Variants in KCNJ3 observed in about 807,000 individuals in gnomAD.
KCNJ3 encodes G protein-activated inward rectifier potassium channel 1.
Under a neutral mutation model 39.2 loss-of-function variants are expected in KCNJ3, and 4 were observed. That is an observed-to-expected ratio of 0.10 (90% CI 0.05 to 0.23). The LOEUF is 0.23. Among genes scored for constraint, KCNJ3 ranks in the 10% least tolerant of loss-of-function variants. The pLI is 1.00. For missense variants in KCNJ3, 276 were observed against 634.9 expected (o/e 0.43, Z 6.08); for synonymous variants, 230 against 237.4 (o/e 0.97, Z 0.29).
At chr2:154,729,773 T>A (rs1396795271) in intron 2 of KCNJ3, among the ~76,000 whole-genome samples, 1 of 152,166 alleles carries the variant, frequency 6.6e-6, no homozygotes, top group East Asian at 1.9e-4. Context: ...ATAAGAATAA[T>A]GTTTTATTAT....
chr2:154,785,907 G>A (rs1686521052), intron 2 of KCNJ3, among the ~76,000 whole-genome samples: 1 of 152,132 alleles, frequency 6.6e-6, no homozygotes, highest in South Asian at 2.1e-4. Flanking sequence ...CATACTGGGG[G>A]TCAGGGCTTC....
chr2:154,802,199 T>A lies in KCNJ3; in HGVS notation c.920-52528T>A, dbSNP rs11690116. ...TAAGGATTTGGGGAGTTTTTTTTTT[T>A]CTAAGACAACAAGTTTTCTCTTATG... On this transcript the variant is annotated intron_variant, in intron 2 of 2. Coordinates refer to ENST00000295101, the MANE Select transcript of KCNJ3 (RefSeq NM_002239.4). Among the ~76,000 whole-genome samples, 9 of 151,740 alleles carry A rather than the reference T, an allele frequency of 5.9e-5. No homozygotes were observed. In the East Asian group the frequency reaches 1.8e-3, roughly 30 times the overall value.
At position 154,857,315 on chromosome 2, in the gene KCNJ3, T is replaced by C. The variant is rs1409416168; in HGVS notation, c.*2002T>C. 1 of 152,120 alleles carries C rather than the reference T, an allele frequency of 6.6e-6. No homozygotes were observed. Among genetic ancestry groups the C allele is most frequent in the Non-Finnish European group, 1.5e-5 (1 of 68,014 alleles). The allele number at this position is 152,120 out of a possible 1,614,324, so 9.4% of individuals were successfully genotyped here. On this transcript the variant is annotated 3_prime_UTR_variant, in exon 3 of 3. Transcript: ENST00000295101. The stretch of plus-strand genomic sequence containing the variant: ...TTTAGTCCAAGAACTTAAAACTAAA[T>C]AGAGCCATAATTTACTTTGGAGAGT...
At chr2:154,801,355 T>C (rs577356705) in intron 2 of KCNJ3, among the ~76,000 whole-genome samples, 5 of 152,282 alleles carry the variant, frequency 3.3e-5, no homozygotes, top group African/African-American at 1.2e-4. Flanking sequence ...TAGTAAATTT[T>C]TTCTGTTTCC....
At chr2:154,844,968 C>A (rs1004809783) in intron 2 of KCNJ3, among the ~76,000 whole-genome samples, 5 of 152,146 alleles carry the variant, frequency 3.3e-5, no homozygotes, top group Non-Finnish European at 7.4e-5. Flanking sequence ...CACTGTCCAA[C>A]CAGTCCCAAT....
Position 154,821,635 on chromosome 2 carries a change from A to ATTTTTTTT in KCNJ3, c.920-33075_920-33068dup, listed in dbSNP as rs71422263. Reference sequence around the variant, plus strand: ...CAAAAAAAGAAAAAGAGAATATGTGATTTTTTTTTTTTTTTTTTTTTTTTG... The same window carrying ATTTTTTTT: ...CAAAAAAAGAAAAAGAGAATATGTGATTTTTTTTTTTTTTTTTTTTTTTTTTTTTTTTG... On this transcript the variant is annotated intron_variant, in intron 2 of 2. Coordinates refer to ENST00000295101, the MANE Select transcript of KCNJ3 (RefSeq NM_002239.4). Among the ~76,000 whole-genome samples the ATTTTTTTT allele has an allele frequency of 6.4e-4, 56 of 88,076 alleles. 2 individuals carry two copies. The highest frequency in any genetic ancestry group is 8.2e-4 in the East Asian group (2 of 2,450). 57.8% of individuals were successfully genotyped at this position (88,076 alleles called of 152,430 possible). A position where few individuals can be genotyped will look rare whatever the true frequency, so the allele number is the denominator to read the frequency against.
chr2:154,704,832 T>C (rs1338315717), intron 1 of KCNJ3, among the ~76,000 whole-genome samples: 1 of 149,888 alleles, frequency 6.7e-6, no homozygotes, highest in Admixed American at 6.6e-5. Context: ...CCTCATTCCA[T>C]GTAATTTTTT....
At chr2:154,762,065 T>C (rs1229431134) in intron 2 of KCNJ3, among the ~76,000 whole-genome samples, 2 of 152,264 alleles carry the variant, frequency 1.3e-5, no homozygotes, top group East Asian at 1.9e-4. Flanking sequence ...CTCCAGAGGC[T>C]GGAATAGACA....
Position 154,856,785 on chromosome 2 carries a change from C to A in KCNJ3, c.*1472C>A, listed in dbSNP as rs1407691722. ...GAATCAAAACTAGTGATCAGTAGAA[C>A]ACTTTCAAAATAAAAATTTGGAATG... On this transcript the variant is annotated 3_prime_UTR_variant, in exon 3 of 3. Coordinates refer to ENST00000295101, the MANE Select transcript of KCNJ3 (RefSeq NM_002239.4). 2 of 152,054 alleles carry A rather than the reference C, an allele frequency of 1.3e-5. No homozygotes were observed. The highest frequency in any genetic ancestry group is 2.4e-5 in the African/African-American group (1 of 41,428). The allele number at this position is 152,054 out of a possible 1,614,324, so 9.4% of individuals were successfully genotyped here.
intron 2 of KCNJ3, among the ~76,000 whole-genome samples, chr2:154,761,141 C>G (rs74571701): frequency 0.033 from 4,989 of 149,188 alleles, 205 homozygotes; most frequent in East Asian, 0.22. Context: ...GTCTGTAATC[C>G]TTTAGAATTC....
intron 2 of KCNJ3, among the ~76,000 whole-genome samples, chr2:154,840,143 C>A (rs1034110917): frequency 1.3e-5 from 2 of 152,126 alleles, no homozygotes; most frequent in African/African-American, 4.8e-5. Context: ...TCAGTTTCAG[C>A]TTTCTACATA....
At chr2:154,824,052 G>T (rs1687227552) in intron 2 of KCNJ3, among the ~76,000 whole-genome samples, 1 of 151,986 alleles carries the variant, frequency 6.6e-6, no homozygotes, top group South Asian at 2.1e-4. Context: ...CTATACTTAG[G>T]CCTGATGTAG....
chr2:154,841,349 G>A (rs1574482893), intron 2 of KCNJ3, among the ~76,000 whole-genome samples: 2 of 152,226 alleles, frequency 1.3e-5, no homozygotes, highest in East Asian at 3.9e-4. Flanking sequence ...TTTTATTGAG[G>A]ATTTTCACAT....
intron 2 of KCNJ3, among the ~76,000 whole-genome samples, chr2:154,849,018 C>CTT (rs1437520336): frequency 2.6e-5 from 4 of 152,104 alleles, no homozygotes; most frequent in African/African-American, 7.2e-5. Context: ...TCTTTTGTTT[C>CTT]TTCTTTTGCC....
At chr2:154,776,221 C>T (rs148170752) in intron 2 of KCNJ3, among the ~76,000 whole-genome samples, 2,212 of 152,092 alleles carry the variant, frequency 0.015, 56 homozygotes, top group African/African-American at 0.051. Flanking sequence ...AGGCTGGTCT[C>T]GAACTCCTGC....
intron 2 of KCNJ3, among the ~76,000 whole-genome samples, chr2:154,747,614 C>T (rs923192751): frequency 6.6e-6 from 1 of 151,870 alleles, no homozygotes. Context: ...TATAAGTAAA[C>T]GGCTTTGTGA....
intron 1 of KCNJ3, among the ~76,000 whole-genome samples, chr2:154,707,878 A>G (rs1373432649): frequency 6.6e-6 from 1 of 152,124 alleles, no homozygotes; most frequent in Non-Finnish European, 1.5e-5. Context: ...ATTAATCAAT[A>G]CTTGTTATAC....
chr2:154,829,797 A>G (rs1687332256), intron 2 of KCNJ3, among the ~76,000 whole-genome samples: 1 of 152,016 alleles, frequency 6.6e-6, no homozygotes, highest in African/African-American at 2.4e-5. Context: ...TAATAATAAC[A>G]TTCTTATTAT....
chr2:154,786,942 G>A (rs1264299587), intron 2 of KCNJ3, among the ~76,000 whole-genome samples: 1 of 152,128 alleles, frequency 6.6e-6, no homozygotes, highest in African/African-American at 2.4e-5. Flanking sequence ...ATGAGCCAGA[G>A]AATATTAATT....
Sources: gnomAD v4.1 joint callset for allele counts (sites outside exome capture counted in the v4.1 genomes callset) on GRCh38, gnomAD v4.1.1 for gene constraint, MANE v1.5 for transcripts, NCBI Gene and HGNC (gene_info 2026-07-23, HGNC 2026-07-21) for gene names.